The following CA1 variants were observed in gnomAD, a reference collection of about 807,000 sequenced individuals.
The protein encoded by CA1 is carbonic anhydrase 1, also known as carbonate dehydratase I.
A neutral mutation model predicts 28.8 loss-of-function variants in CA1; 27 were observed. The ratio of observed to expected loss-of-function variants is 0.94; its 90% confidence interval spans 0.69 to 1.29. The LOEUF (loss-of-function observed/expected upper bound fraction) is 1.29, where lower values mean the gene tolerates loss of function less well. Ranked by LOEUF, CA1 falls within the 50% of genes most tolerant of loss-of-function variation. CA1 has a pLI of 0.00. For missense variants in CA1, 335 were observed against 310.5 expected (o/e 1.08, Z -0.59); for synonymous variants, 121 against 108.8 (o/e 1.11, Z -0.70).
Position 85,329,674 on chromosome 8 carries a change from C to A in CA1, c.669+15G>T, listed in dbSNP as rs748908381. The A allele has an allele frequency of 5.6e-6, 9 of 1,604,920 alleles. No homozygotes were observed. The highest frequency in any genetic ancestry group is 3.3e-5 in the South Asian group (3 of 90,250). On this transcript the variant is annotated intron_variant, in intron 7 of 7. Transcript: ENST00000523022. ...CTGCTACGCATTCCCAGTTCCCATT[C>A]ATTCACAACTCTACCTGCTCTGAGC... is the stretch of plus-strand genomic sequence containing the variant.
intron 1 of CA1, among the ~76,000 whole-genome samples, chr8:85,358,727 C>T (rs953160035): frequency 2.0e-5 from 3 of 152,178 alleles, no homozygotes; most frequent in Non-Finnish European, 4.4e-5. Flanking sequence ...CAGCGAACAA[C>T]ACGAGCGAAG....
chr8:85,365,153 G>GA (rs1809956424), intron 1 of CA1, among the ~76,000 whole-genome samples: 1 of 152,194 alleles, frequency 6.6e-6, no homozygotes, highest in Non-Finnish European at 1.5e-5. Context: ...AAGGGTGAGG[G>GA]AATCTCAGAA....
At position 85,346,096 on chromosome 8, in the gene CA1, A is replaced by G. The variant is rs570702036; in HGVS notation, c.-24-4437T>C. ...CCAAGTCAACTCTTTATATGTAATC[A>G]TTTTAATACACAGCATAAAGACATT... On this transcript the variant is annotated intron_variant, in intron 1 of 7. Transcript: ENST00000523022. Among the ~76,000 whole-genome samples, 4 of 152,272 alleles carry G rather than the reference A, an allele frequency of 2.6e-5. 1 individual carries two copies. The South Asian group carries it at 8.3e-4, about 32-fold the overall frequency.
chr8:85,369,457 CAG>C (rs1355167263), intron 1 of CA1, among the ~76,000 whole-genome samples: 1 of 152,148 alleles, frequency 6.6e-6, no homozygotes, highest in Non-Finnish European at 1.5e-5. Context: ...GCATTAATGA[CAG>C]AAAATAGCTT....
chr8:85,376,670 TAA>T (rs1390132120), intron 1 of CA1, among the ~76,000 whole-genome samples: 1 of 132,894 alleles, frequency 7.5e-6, no homozygotes, highest in Non-Finnish European at 1.5e-5. Flanking sequence ...AATAAATAAA[TAA>T]ATAAATAAAT....
chr8:85,329,654 A>G (rs1022163087), intron 7 of CA1, 35 bp downstream of exon 7: 3 of 1,560,764 alleles, frequency 1.9e-6, no homozygotes, highest in Non-Finnish European at 2.6e-6. Flanking sequence ...TATTCCTGCT[A>G]CGCATTCCCA....
chr8:85,346,267 T>A (rs1809180059), intron 1 of CA1, among the ~76,000 whole-genome samples: 1 of 152,198 alleles, frequency 6.6e-6, no homozygotes. Flanking sequence ...TAATTAGGAA[T>A]CTCTTCTACT....
At chr8:85,367,802 T>G (rs1186694359) in intron 1 of CA1, among the ~76,000 whole-genome samples, 2 of 152,220 alleles carry the variant, frequency 1.3e-5, no homozygotes, top group Non-Finnish European at 2.9e-5. Context: ...AAAGGCAAGA[T>G]GTACACAAGT....
intron 1 of CA1, among the ~76,000 whole-genome samples, chr8:85,344,104 T>A (rs1184727629): frequency 2.4e-5 from 3 of 126,616 alleles, no homozygotes; most frequent in Admixed American, 8.5e-5. Flanking sequence ...TATATACTTT[T>A]AAATTTTATA....
Position 85,338,238 on chromosome 8 carries a change from G to T in CA1, c.235+14C>A, listed in dbSNP as rs974081548. The T allele has an allele frequency of 7.5e-6, 12 of 1,602,666 alleles. No individual in the cohort carries two copies. The highest frequency in any genetic ancestry group is 1.0e-5 in the Non-Finnish European group (12 of 1,169,674). Reference sequence around the variant, plus strand: ...ACTGTAAGAAAAAAATATCAGAAGGGTCTTTCAGCTCACCTGATCGGTTAT... The same window carrying T: ...ACTGTAAGAAAAAAATATCAGAAGGTTCTTTCAGCTCACCTGATCGGTTAT... On this transcript the variant is annotated intron_variant, in intron 3 of 7. Coordinates refer to ENST00000523022, the MANE Select transcript of CA1 (RefSeq NM_001128831.4).
At chr8:85,339,241 G>A (rs533970204) in intron 2 of CA1, among the ~76,000 whole-genome samples, 2 of 152,004 alleles carry the variant, frequency 1.3e-5, no homozygotes, top group African/African-American at 4.8e-5. Flanking sequence ...GCTTATTAGG[G>A]GCATATTTTC....
chr8:85,373,090 C>G (rs1810289672), intron 1 of CA1, among the ~76,000 whole-genome samples: 1 of 152,160 alleles, frequency 6.6e-6, no homozygotes, highest in Non-Finnish European at 1.5e-5. Context: ...ACGGTAAGAA[C>G]AAATCTTCTA....
At chr8:85,348,608 T>C (rs988093086) in intron 1 of CA1, among the ~76,000 whole-genome samples, 1 of 152,310 alleles carries the variant, frequency 6.6e-6, no homozygotes, top group African/African-American at 2.4e-5. Context: ...AACAAAGACA[T>C]GTAACGAGGA....
intron 1 of CA1, among the ~76,000 whole-genome samples, chr8:85,373,231 G>A (rs906135259): frequency 4.6e-5 from 7 of 152,196 alleles, no homozygotes; most frequent in African/African-American, 1.7e-4. Flanking sequence ...ATGGGTGGGT[G>A]GAAGACATGA....
intron 1 of CA1, chr8:85,349,960 C>T (rs567194957): frequency 6.6e-6 from 1 of 152,278 alleles, no homozygotes; most frequent in Non-Finnish European, 1.5e-5. Context: ...AGAATCCTGT[C>T]CTCTTACCTG....
At chr8:85,337,420 A>C (rs1808708293) in intron 3 of CA1, among the ~76,000 whole-genome samples, 2 of 152,156 alleles carry the variant, frequency 1.3e-5, no homozygotes. Context: ...TCATTCTTTC[A>C]ACAAAGACAG....
chr8:85,347,099 A>C (rs956516196), intron 1 of CA1, among the ~76,000 whole-genome samples: 3 of 152,202 alleles, frequency 2.0e-5, no homozygotes, highest in African/African-American at 7.2e-5. Context: ...TTAAGGTTAA[A>C]AAAACATGTC....
rs369638797 is a variant in CA1 at position 85,338,488 on chromosome 8, A to G, written c.38-39T>C. ...CACGTGTAAAATCAATGTCTTATCA[A>G]ATGCTTGATTCCAAGTTTTAGGAGT... On this transcript the variant is annotated intron_variant, in intron 2 of 7. Transcript: ENST00000523022. 172 of 1,515,490 alleles carry G rather than the reference A, an allele frequency of 1.1e-4. 1 individual carries two copies. The African/African-American group carries it at 2.2e-3, about 19-fold the overall frequency. The allele number at this position is 1,515,490 out of a possible 1,614,324, so 93.9% of individuals were successfully genotyped here.
chr8:85,328,520 G>T lies in CA1; in HGVS notation c.*40C>A. The T allele has an allele frequency of 1.9e-6, 2 of 1,028,924 alleles. No homozygotes were observed. The highest frequency in any genetic ancestry group is 3.1e-6 in the Non-Finnish European group (2 of 647,710). 63.7% of individuals were successfully genotyped at this position (1,028,924 alleles called of 1,614,324 possible). A position where few individuals can be genotyped will look rare whatever the true frequency, so the allele number is the denominator to read the frequency against. ...TTTACTGGATTATGTCAGAAGCAGG[G>T]CTGTGTTCTTGAGGAAGGACAAGTT... On this transcript the variant is annotated 3_prime_UTR_variant, in exon 8 of 8. Transcript: ENST00000523022.
Sources: allele counts gnomAD v4.1 joint callset (sites outside exome capture counted in the v4.1 genomes callset), GRCh38; gene constraint gnomAD v4.1.1; transcripts MANE v1.5; gene names NCBI Gene and HGNC (gene_info 2026-07-23, HGNC 2026-07-21).